Variants in FAM53B observed in about 807,000 individuals in gnomAD.
The protein encoded by FAM53B is protein FAM53B.
Under a neutral mutation model 32.7 loss-of-function variants are expected in FAM53B, and 12 were observed. That is an observed-to-expected ratio of 0.37 (90% CI 0.24 to 0.59). FAM53B has a LOEUF of 0.59. FAM53B is among the 20% of genes least tolerant of loss of function. The pLI is 0.72. For synonymous variants in FAM53B, 234 were observed against 228.7 expected, an observed-to-expected ratio of 1.02 and a Z score of -0.21; for missense variants, 477 against 577.7, an observed-to-expected ratio of 0.83 and a Z score of 1.79.
chr10:124,670,385 T>G (rs954861968), intron 4 of FAM53B, among the ~76,000 whole-genome samples: 1 of 152,046 alleles, frequency 6.6e-6, no homozygotes, highest in Non-Finnish European at 1.5e-5. Flanking sequence ...GAGTATCCCA[T>G]CAGATCCTGG....
At chr10:124,630,395 C>T (rs562796491) in intron 4 of FAM53B, among the ~76,000 whole-genome samples, 1 of 152,348 alleles carries the variant, frequency 6.6e-6, no homozygotes, top group Admixed American at 6.5e-5. Context: ...GCCTGGGCAA[C>T]AGGGCAAGAC....
intron 4 of FAM53B, among the ~76,000 whole-genome samples, 186 bp downstream of exon 4, chr10:124,681,420 TA>T (rs1949770640): frequency 6.6e-6 from 1 of 152,186 alleles, no homozygotes; most frequent in African/African-American, 2.4e-5. Context: ...TGCTTGTAAA[TA>T]GAAATAAACG....
chr10:124,743,153 G>T (rs577409294), intron 1 of FAM53B, among the ~76,000 whole-genome samples: 1 of 150,914 alleles, frequency 6.6e-6, no homozygotes. Flanking sequence ...GGGACAAGGT[G>T]GGGGGGCGGG....
At chr10:124,719,476 C>T (rs1402809753) in intron 1 of FAM53B, among the ~76,000 whole-genome samples, 1 of 152,200 alleles carries the variant, frequency 6.6e-6, no homozygotes, top group Non-Finnish European at 1.5e-5. Context: ...AGTCAAAAGA[C>T]TCTGGAAGAG....
At chr10:124,731,817 A>G (rs1236484077) in intron 1 of FAM53B, among the ~76,000 whole-genome samples, 1 of 151,988 alleles carries the variant, frequency 6.6e-6, no homozygotes, top group Non-Finnish European at 1.5e-5. Context: ...TGCTTCCCCG[A>G]CCTTGGAGAC....
intron 1 of FAM53B, among the ~76,000 whole-genome samples, chr10:124,741,203 T>C (rs908773674): frequency 2.0e-4 from 31 of 152,376 alleles, no homozygotes; most frequent in South Asian, 6.2e-4. Context: ...AGGTTTCTTT[T>C]ATTACACATC....
chr10:124,727,027 T>C (rs1476827421), intron 1 of FAM53B, among the ~76,000 whole-genome samples: 1 of 152,088 alleles, frequency 6.6e-6, no homozygotes, highest in Non-Finnish European at 1.5e-5. Flanking sequence ...TAGTTACTTA[T>C]TTATATTTGG....
chr10:124,657,427 G>C (rs1378585557), intron 4 of FAM53B, among the ~76,000 whole-genome samples: 4 of 151,974 alleles, frequency 2.6e-5, no homozygotes, highest in South Asian at 4.2e-4. Flanking sequence ...GGCTAGAAAG[G>C]GTGTCAAGAG....
chr10:124,726,217 A>C (rs1203596658), intron 1 of FAM53B, among the ~76,000 whole-genome samples: 1 of 152,180 alleles, frequency 6.6e-6, no homozygotes, highest in South Asian at 2.1e-4. Flanking sequence ...TGAGAAAATC[A>C]GGATCCATAA....
intron 1 of FAM53B, among the ~76,000 whole-genome samples, chr10:124,709,959 C>G (rs1352670341): frequency 6.6e-6 from 1 of 152,220 alleles, no homozygotes; most frequent in Non-Finnish European, 1.5e-5. Context: ...TTTGAATATT[C>G]CATCCCACGC....
At position 124,632,508 on chromosome 10, in the gene FAM53B, C is replaced by T. The variant is rs1949397816; in HGVS notation, c.907-8904G>A. ...GGGCTCACAGTTTTGGGGGTGGCTT[C>T]TGAGCAGGACTAGCGATGCAGAAGG... On this transcript the variant is annotated intron_variant, in intron 4 of 4. Coordinates refer to ENST00000337318, the MANE Select transcript of FAM53B (RefSeq NM_014661.4). Among the ~76,000 whole-genome samples, 3 of 152,202 alleles carry T rather than the reference C, an allele frequency of 2.0e-5. No individual in the cohort carries two copies. In the East Asian group the frequency reaches 5.8e-4, roughly 29 times the overall value.
rs1473069495 is a variant in FAM53B at position 124,620,740 on chromosome 10, C to CGGAGGG, written c.*2501_*2502insCCCTCC. On this transcript the variant is annotated 3_prime_UTR_variant, in exon 5 of 5. Coordinates refer to ENST00000337318, the MANE Select transcript of FAM53B (RefSeq NM_014661.4). The stretch of plus-strand genomic sequence containing the variant: ...CCTTATAGATAGGGTCTACTCCCTC[C>CGGAGGG]AGTCAAAACACAAACATGAAACCAG... The CGGAGGG allele has an allele frequency of 1.2e-4, 19 of 152,508 alleles. No homozygotes were observed. Among genetic ancestry groups the CGGAGGG allele is most frequent in the East Asian group, 1.2e-3 (6 of 5,184 alleles). 9.4% of individuals were successfully genotyped at this position (152,508 alleles called of 1,614,324 possible).
chr10:124,735,085 C>T (rs978663106), intron 1 of FAM53B, among the ~76,000 whole-genome samples: 13 of 152,164 alleles, frequency 8.5e-5, no homozygotes, highest in Admixed American at 3.9e-4. Flanking sequence ...AACCCGCACC[C>T]GGAAGACGCT....
intron 4 of FAM53B, among the ~76,000 whole-genome samples, chr10:124,666,754 C>G (rs915948309): frequency 1.3e-5 from 2 of 152,230 alleles, no homozygotes; most frequent in Admixed American, 1.3e-4. Flanking sequence ...CTCAGAGAAA[C>G]AGTGAACTCC....
intron 3 of FAM53B, among the ~76,000 whole-genome samples, chr10:124,683,043 T>C (rs1949783052): frequency 6.6e-6 from 1 of 152,242 alleles, no homozygotes; most frequent in Non-Finnish European, 1.5e-5. Context: ...TTTCTCTGTG[T>C]TCACTCGATT....
At chr10:124,672,062 T>C (rs1949710092) in intron 4 of FAM53B, among the ~76,000 whole-genome samples, 1 of 152,212 alleles carries the variant, frequency 6.6e-6, no homozygotes, top group African/African-American at 2.4e-5. Context: ...TGGGCTCCTG[T>C]CAGCAGGAGA....
chr10:124,724,809 T>G (rs1342561765), intron 1 of FAM53B, among the ~76,000 whole-genome samples: 1 of 152,176 alleles, frequency 6.6e-6, no homozygotes, highest in Non-Finnish European at 1.5e-5. Context: ...CACAGCCCCA[T>G]ACGAGAATGT....
chr10:124,632,099 G>C (rs1476746416), intron 4 of FAM53B, among the ~76,000 whole-genome samples: 1 of 152,202 alleles, frequency 6.6e-6, no homozygotes, highest in African/African-American at 2.4e-5. Flanking sequence ...TGGAGGCCCA[G>C]AGCCACGCGT....
At chr10:124,635,767 C>G (rs897478024) in intron 4 of FAM53B, among the ~76,000 whole-genome samples, 3 of 152,246 alleles carry the variant, frequency 2.0e-5, no homozygotes, top group Non-Finnish European at 2.9e-5. Flanking sequence ...GCTGAAGCAG[C>G]CCGGAGGAGT....
Sources: allele counts gnomAD v4.1 joint callset (sites outside exome capture counted in the v4.1 genomes callset), GRCh38; gene constraint gnomAD v4.1.1; transcripts MANE v1.5; gene names NCBI Gene and HGNC (gene_info 2026-07-23, HGNC 2026-07-21).